The following TKT variants were observed in gnomAD, a reference collection of about 807,000 sequenced individuals.
TKT encodes transketolase.
TKT carries 47 observed loss-of-function variants against 63.9 expected under a neutral mutation model. The ratio of observed to expected loss-of-function variants is 0.74; its 90% confidence interval spans 0.58 to 0.94. The LOEUF (loss-of-function observed/expected upper bound fraction) is 0.94, where lower values mean the gene tolerates loss of function less well. TKT is among the 40% of genes least tolerant of loss of function. TKT has a pLI of 0.00. For synonymous variants in TKT, 338 were observed against 334.1 expected (o/e 1.01, Z -0.13); for missense variants, 721 against 846.2 (o/e 0.85, Z 1.84).
chr3:53,227,049 C>T lies in TKT; in HGVS notation c.1574-171G>A. On this transcript the variant is annotated intron_variant, in intron 12 of 13. Coordinates refer to ENST00000462138, the MANE Select transcript of TKT (RefSeq NM_001064.4). The stretch of plus-strand genomic sequence containing the variant: ...GCCACCTCGTTCCCATGGCTGAGCT[C>T]ATGCTTGCCAACCCCTTGCACTGGG... 6.6e-6 allele frequency: 5 copies of T among 761,904 alleles called. No individual in the cohort carries two copies. The Admixed American group carries it at 1.2e-4, about 19-fold the overall frequency. The allele number at this position is 761,904 out of a possible 1,614,324, so 47.2% of individuals were successfully genotyped here. A position where few individuals can be genotyped will look rare whatever the true frequency, so the allele number is the denominator to read the frequency against.
At chr3:53,234,645 T>C in intron 5 of TKT, 1 of 198,044 alleles carries the variant, frequency 5.0e-6, no homozygotes, top group Non-Finnish European at 1.0e-5. Context: ...CAGCTATACA[T>C]CCTTTAGCTT....
At position 53,226,082 on chromosome 3, in the gene TKT, GATTTTTTTT is replaced by G. The variant is rs1388633007; in HGVS notation, c.1697-160_1697-152del. ...CCATGAGCCCATCACATAACTCATT[GATTTTTTTT>G]ATTTTAAAGAGACAGACAGGTATCA... On this transcript the variant is annotated intron_variant, in intron 13 of 13. Transcript: ENST00000462138. 5 of 638,632 alleles carry G rather than the reference GATTTTTTTT, an allele frequency of 7.8e-6. No individual in the cohort carries two copies. The East Asian group carries it at 1.6e-4, about 20-fold the overall frequency. The allele number at this position is 638,632 out of a possible 1,614,324, so 39.6% of individuals were successfully genotyped here.
Position 53,226,766 on chromosome 3 carries a change from A to C in TKT, c.1686T>G (p.His562Gln). 1 of 1,614,012 alleles carries C rather than the reference A, an allele frequency of 6.2e-7. No individual in the cohort carries two copies. The highest frequency in any genetic ancestry group is 8.5e-7 in the Non-Finnish European group (1 of 1,179,932). ...CCCAGGCCTCCTTACCTTCATAATA[A>C]TGGTCCTCCACGGTGAGGATCCTGC... ...TKGRILTVED[H>Q]YYEGGIGEAV... is the part of the protein sequence containing the mutation. The change falls in exon 13 of 14, where the codon CAT (histidine) becomes CAG (glutamine). Residue 562 changes from histidine to glutamine, a missense_variant. Coordinates refer to ENST00000462138, the MANE Select transcript of TKT (RefSeq NM_001064.4).
intron 12 of TKT, 166 bp downstream of exon 12, chr3:53,227,889 AG>A: frequency 1.6e-6 from 1 of 622,418 alleles, no homozygotes; most frequent in Non-Finnish European, 2.8e-6. Context: ...AGACAGAACA[AG>A]TGCTCAAAGG....
chr3:53,250,542 AG>A (rs1705700177), intron 1 of TKT, among the ~76,000 whole-genome samples: 1 of 152,156 alleles, frequency 6.6e-6, no homozygotes, highest in African/African-American at 2.4e-5. Flanking sequence ...AAGCTGAGGC[AG>A]GTGGATCGCT....
At chr3:53,246,244 G>A (rs566628118) in intron 1 of TKT, among the ~76,000 whole-genome samples, 10 of 152,134 alleles carry the variant, frequency 6.6e-5, no homozygotes, top group African/African-American at 2.2e-4. Flanking sequence ...CTCTAGACTC[G>A]GTGACAGAGT....
chr3:53,246,468 C>A (rs1360895353), intron 1 of TKT, among the ~76,000 whole-genome samples: 1 of 152,104 alleles, frequency 6.6e-6, no homozygotes, highest in Non-Finnish European at 1.5e-5. Context: ...ATATTCTCTC[C>A]CAAATATAGT....
chr3:53,230,998 G>C (rs1427727316), intron 7 of TKT, among the ~76,000 whole-genome samples: 3 of 152,232 alleles, frequency 2.0e-5, no homozygotes, highest in Non-Finnish European at 2.9e-5. Flanking sequence ...CCTGGAGTGG[G>C]ACAGCTCTGC....
intron 4 of TKT, among the ~76,000 whole-genome samples, chr3:53,239,279 C>T (rs1553679329): frequency 6.6e-6 from 1 of 152,068 alleles, no homozygotes; most frequent in African/African-American, 2.4e-5. Context: ...TGGAAACAGA[C>T]TAATACAGTG....
intron 1 of TKT, among the ~76,000 whole-genome samples, chr3:53,254,072 CTG>C (rs1705873717): frequency 6.6e-6 from 1 of 152,210 alleles, no homozygotes; most frequent in South Asian, 2.1e-4. Context: ...AACGATGATG[CTG>C]TGTCATACCA....
chr3:53,226,057 C>T, intron 13 of TKT, 126 bp from the exon 14 acceptor site: 1 of 802,910 alleles, frequency 1.2e-6, no homozygotes, highest in East Asian at 2.8e-5. Flanking sequence ...CCACCTGTAG[C>T]CATGAGCCCA....
chr3:53,252,514 A>G (rs1278108989), intron 1 of TKT, among the ~76,000 whole-genome samples: 2 of 152,200 alleles, frequency 1.3e-5, no homozygotes, highest in Admixed American at 1.3e-4. Context: ...TGTATTTTAC[A>G]TATCCTTTTT....
Position 53,235,130 on chromosome 3 carries a change from C to A in TKT, c.482G>T (p.Gly161Val), listed in dbSNP as rs1704958341. 4 of 1,613,260 alleles carry A rather than the reference C, an allele frequency of 2.5e-6. No homozygotes were observed. The highest frequency in any genetic ancestry group is 2.7e-5 in the African/African-American group (2 of 74,930). ...CLLGDGELSEGSVWEAMAFAS... is the reference protein window; with the variant it reads ...CLLGDGELSEVSVWEAMAFAS... ...GAAGGCCATGGCCTCCCATACAGAG[C>A]CCTCTGACAGCTCCCCGTCTCCCAG... The change falls in exon 5 of 14, where the codon GGC (glycine) becomes GTC (valine). Residue 161 changes from glycine to valine, a missense_variant. Coordinates refer to ENST00000462138, the MANE Select transcript of TKT (RefSeq NM_001064.4).
chr3:53,226,779 G>A lies in TKT; in HGVS notation c.1673C>T (p.Thr558Ile). 1 of 1,614,178 alleles carries A rather than the reference G, an allele frequency of 6.2e-7. No homozygotes were observed. The highest frequency in any genetic ancestry group is 1.1e-5 in the South Asian group (1 of 91,086). The stretch of plus-strand genomic sequence containing the variant: ...ACCTTCATAATAATGGTCCTCCACG[G>A]TGAGGATCCTGCCCTTGGTGGCACG... ...SARATKGRIL[T>I]VEDHYYEGGI... is the part of the protein sequence containing the mutation. Residue 558 changes from threonine to isoleucine, a missense_variant, in exon 13 of 14, where the codon ACC becomes ATC. Physicochemically the swap from Thr to Ile is moderately conservative, Grantham distance 89. Coordinates refer to ENST00000462138, the MANE Select transcript of TKT (RefSeq NM_001064.4).
chr3:53,240,122 G>A, intron 4 of TKT, 129 bp downstream of exon 4: 2 of 800,232 alleles, frequency 2.5e-6, no homozygotes, highest in Non-Finnish European at 3.9e-6. Flanking sequence ...AGCAAAAGAG[G>A]CCACGCATAT....
At chr3:53,236,216 C>T (rs1705024683) in intron 4 of TKT, among the ~76,000 whole-genome samples, 1 of 152,200 alleles carries the variant, frequency 6.6e-6, no homozygotes, top group Non-Finnish European at 1.5e-5. Context: ...TGGCTGCCCT[C>T]CTGCTCCTGC....
At chr3:53,226,369 G>C (rs1704498834) in intron 13 of TKT, 1 of 258,424 alleles carries the variant, frequency 3.9e-6, no homozygotes, top group South Asian at 5.5e-5. Flanking sequence ...CTCCTACTTA[G>C]AGAGGCTGGT....
chr3:53,230,659 G>A (rs1704712566), intron 7 of TKT, 38 bp from the exon 8 acceptor site: 1 of 1,611,632 alleles, frequency 6.2e-7, no homozygotes. Context: ...GGACCCCTCT[G>A]AGGGTGAGTG....
chr3:53,245,306 CAAAAA>C (rs781814492), intron 1 of TKT, among the ~76,000 whole-genome samples: 11 of 92,160 alleles, frequency 1.2e-4, no homozygotes, highest in Non-Finnish European at 1.9e-4. Context: ...CACTCCATCT[CAAAAA>C]AAAAAAAAAA....
Sources: gnomAD v4.1 joint callset for allele counts (sites outside exome capture counted in the v4.1 genomes callset) on GRCh38, gnomAD v4.1.1 for gene constraint, MANE v1.5 for transcripts, NCBI Gene and HGNC (gene_info 2026-07-23, HGNC 2026-07-21) for gene names.